PACSIN1: variants seen among roughly 807,000 people sequenced by gnomAD.
PACSIN1 encodes protein kinase C and casein kinase substrate in neurons protein 1.
In PACSIN1, 15 loss-of-function variants were observed where a neutral mutation model predicts 59.5. The ratio of observed to expected loss-of-function variants is 0.25; its 90% confidence interval spans 0.17 to 0.39. PACSIN1 has a LOEUF of 0.39. Among genes scored for constraint, PACSIN1 ranks in the 10% least tolerant of loss-of-function variants. The pLI is 1.00. For synonymous variants in PACSIN1, 210 were observed against 220.6 expected (o/e 0.95, Z 0.42); for missense variants, 420 against 580.2 (o/e 0.72, Z 2.84).
rs1379222211 is a variant in PACSIN1, at chr6:34,492,902, C to T, written c.-64+26632C>T. Among the ~76,000 whole-genome samples the T allele has an allele frequency of 2.0e-5, 3 of 152,158 alleles. No homozygotes were observed. In the South Asian group the frequency reaches 6.2e-4, roughly 31 times the overall value. ...GTGCAATATATACCCATGTAACAAA[C>T]CTGCACGTGTACTCCTGTATCTAAA... On this transcript the variant is annotated intron_variant, in intron 1 of 9. Transcript: ENST00000244458.
At chr6:34,495,506 G>A (rs563958981) in intron 1 of PACSIN1, among the ~76,000 whole-genome samples, 1 of 150,518 alleles carries the variant, frequency 6.6e-6, no homozygotes, top group African/African-American at 2.4e-5. Flanking sequence ...AGGCTAAAGT[G>A]CAGTGGCACT....
chr6:34,526,172 C>T, intron 1 of PACSIN1, 71 bp from the exon 2 acceptor site: 2 of 685,470 alleles, frequency 2.9e-6, no homozygotes, highest in Non-Finnish European at 4.9e-6. Flanking sequence ...TTTGGGGACC[C>T]AGGCCTGGAA....
rs1004567350 is a variant in PACSIN1 at position 34,516,718 on chromosome 6, G to A, written c.-63-9525G>A. ...GGCCCGGGCCCCTCCCTGTCAGGTT[G>A]CTGCTTCACAGGTTGGCTCGGGGCT... On this transcript the variant is annotated intron_variant, in intron 1 of 9. Transcript: ENST00000244458. The surrounding 1 kb of genome is among the most constrained non-coding windows in gnomAD (Gnocchi z 5.4). Among the ~76,000 whole-genome samples the A allele has an allele frequency of 1.3e-5, 2 of 152,320 alleles. No homozygotes were observed. Among genetic ancestry groups the A allele is most frequent in the Middle Eastern group, 3.4e-3 (1 of 294 alleles).
At chr6:34,522,016 T>C (rs1767401755) in intron 1 of PACSIN1, among the ~76,000 whole-genome samples, 1 of 152,218 alleles carries the variant, frequency 6.6e-6, no homozygotes, top group South Asian at 2.1e-4. Flanking sequence ...TGCGCGATCT[T>C]GGCTTACCTC....
chr6:34,503,083 T>C (rs1296237288), intron 1 of PACSIN1, among the ~76,000 whole-genome samples: 2 of 151,866 alleles, frequency 1.3e-5, no homozygotes, highest in Non-Finnish European at 2.9e-5. Context: ...GGCAACATAG[T>C]GAGACACTAT....
chr6:34,528,907 T>TGGGGCCCGGGGGGGGGG, intron 4 of PACSIN1, 30 bp downstream of exon 4: 1 of 250,432 alleles, frequency 4.0e-6, no homozygotes, highest in Non-Finnish European at 7.9e-6. Context: ...ACGGGCGGGG[T>TGGGGCCCGGGGGGGGGG]GGGGTGGGCC....
At chr6:34,467,383 A>C (rs980708331) in intron 1 of PACSIN1, among the ~76,000 whole-genome samples, 1 of 152,174 alleles carries the variant, frequency 6.6e-6, no homozygotes, top group Non-Finnish European at 1.5e-5. Flanking sequence ...TTTGGCACCA[A>C]GAAAATATCT....
rs1248368517 is a variant in PACSIN1 at position 34,516,663 on chromosome 6, C to T, written c.-63-9580C>T. On this transcript the variant is annotated intron_variant, in intron 1 of 9. Coordinates refer to ENST00000244458, the MANE Select transcript of PACSIN1 (RefSeq NM_020804.5). This position sits in a 1 kb window ranked among gnomAD's most constrained non-coding sequence, Gnocchi z 5.4. Reference sequence around the variant, plus strand: ...TCAGCAGGCCCTCCAGGCCTGGCCCCGACCTCCAGCCCCTGGCCTGCCTCC... The same window carrying T: ...TCAGCAGGCCCTCCAGGCCTGGCCCTGACCTCCAGCCCCTGGCCTGCCTCC... 2.6e-5 allele frequency among the ~76,000 whole-genome samples: 4 copies of T among 152,144 alleles called. No individual in the cohort carries two copies. The highest frequency in any genetic ancestry group is 4.4e-5 in the Non-Finnish European group (3 of 68,002).
rs9380440 is a variant in PACSIN1 at position 34,487,672 on chromosome 6, A to C, written c.-64+21402A>C. ...GACTCTTGAACATCATACCATATTA[A>C]GACAAGGGGCCAGGGCTTTGCACCC... On this transcript the variant is annotated intron_variant, in intron 1 of 9. Transcript: ENST00000244458. 1.6e-4 allele frequency among the ~76,000 whole-genome samples: 24 copies of C among 152,304 alleles called. No homozygotes were observed. In the East Asian group the frequency reaches 4.6e-3, roughly 29 times the overall value.
chr6:34,502,784 A>T (rs1484909535), intron 1 of PACSIN1, among the ~76,000 whole-genome samples: 1 of 152,228 alleles, frequency 6.6e-6, no homozygotes, highest in Middle Eastern at 3.4e-3. Context: ...CATCTTGGAC[A>T]TTTTAGCCCC....
chr6:34,523,756 GC>G (rs1767437372), intron 1 of PACSIN1, among the ~76,000 whole-genome samples: 1 of 152,212 alleles, frequency 6.6e-6, no homozygotes, highest in Non-Finnish European at 1.5e-5. Context: ...CCTCCTGCCT[GC>G]CCCTAGGGTG....
intron 1 of PACSIN1, among the ~76,000 whole-genome samples, chr6:34,494,722 C>T (rs1766922835): frequency 6.6e-6 from 1 of 152,172 alleles, no homozygotes; most frequent in Non-Finnish European, 1.5e-5. Flanking sequence ...AGGCTATGAG[C>T]CACCAAGCCC....
chr6:34,520,171 G>A lies in PACSIN1; in HGVS notation c.-63-6072G>A, dbSNP rs374808732. Reference sequence around the variant, plus strand: ...GGGCAGAGGCTCTAGTGGACACGGTGCATCTCAGCTGACTCAAATCCTCCC... The same window carrying A: ...GGGCAGAGGCTCTAGTGGACACGGTACATCTCAGCTGACTCAAATCCTCCC... On this transcript the variant is annotated intron_variant, in intron 1 of 9. Coordinates refer to ENST00000244458, the MANE Select transcript of PACSIN1 (RefSeq NM_020804.5). Among the ~76,000 whole-genome samples, 9 of 152,238 alleles carry A rather than the reference G, an allele frequency of 5.9e-5. No homozygotes were observed. In the East Asian group the frequency reaches 7.7e-4, roughly 13 times the overall value.
chr6:34,468,043 G>A (rs922927854), intron 1 of PACSIN1, among the ~76,000 whole-genome samples: 16 of 152,278 alleles, frequency 1.1e-4, no homozygotes, highest in Non-Finnish European at 2.1e-4. Context: ...TTCTTCCCGG[G>A]GTGCCAACTT....
In PACSIN1 at chr6:34,523,973, C is replaced by T. The variant is rs143362982; in HGVS notation, c.-63-2270C>T. On this transcript the variant is annotated intron_variant, in intron 1 of 9. Transcript: ENST00000244458. ...CATCTAATCCTTAAGTCAGTCATTTCGTCCTCATTTCCCAGCAAGGCCCAG... is the reference window on the plus strand; with the variant it reads ...CATCTAATCCTTAAGTCAGTCATTTTGTCCTCATTTCCCAGCAAGGCCCAG... Among the ~76,000 whole-genome samples the T allele has an allele frequency of 6.2e-4, 94 of 152,308 alleles. 2 individuals carry two copies. In the East Asian group the frequency reaches 0.013, roughly 21 times the overall value.
chr6:34,482,794 C>T (rs1451876826), intron 1 of PACSIN1, among the ~76,000 whole-genome samples: 1 of 151,666 alleles, frequency 6.6e-6, no homozygotes, highest in African/African-American at 2.4e-5. Context: ...TAAATTCTCC[C>T]TACCTCAGCC....
chr6:34,483,635 CTTTTTT>C (rs10608785), intron 1 of PACSIN1, among the ~76,000 whole-genome samples: 36 of 46,696 alleles, frequency 7.7e-4, no homozygotes, highest in African/African-American at 2.9e-3. Context: ...CCTTCAAGGA[CTTTTTT>C]TTTTTTTTTT....
intron 1 of PACSIN1, among the ~76,000 whole-genome samples, chr6:34,510,457 GCTCTACCTACC>G (rs1423810287): frequency 1.3e-5 from 2 of 152,134 alleles, no homozygotes; most frequent in Non-Finnish European, 2.9e-5. Context: ...TGTCTGGCTT[GCTCTACCTACC>G]ATCCATTCAT....
At chr6:34,478,129 G>A (rs1766664951) in intron 1 of PACSIN1, among the ~76,000 whole-genome samples, 2 of 149,232 alleles carry the variant, frequency 1.3e-5, no homozygotes, top group South Asian at 4.2e-4. Context: ...GCGCGATCTC[G>A]GCTTACTGCA....
Sources: allele counts gnomAD v4.1 joint callset (sites outside exome capture counted in the v4.1 genomes callset), GRCh38; gene constraint gnomAD v4.1.1; non-coding constraint Gnocchi (gnomAD v3.1); transcripts MANE v1.5; gene names NCBI Gene and HGNC (gene_info 2026-07-23, HGNC 2026-07-21).